SAXO3: variants seen among roughly 807,000 people sequenced by gnomAD.
SAXO3 encodes stabilizer of axonemal microtubules 3, also known as CTB-60B18.10.
the SAXO3 span, chr19:49,019,133 C>G: frequency 2.1e-6 from 3 of 1,428,106 alleles, no homozygotes; most frequent in African/African-American, 2.9e-5. Flanking sequence ...CACACCCCGC[C>G]CCAGGGTTAG....
the SAXO3 span, chr19:49,019,321 G>A: frequency 8.5e-7 from 1 of 1,176,238 alleles, no homozygotes; most frequent in Non-Finnish European, 1.1e-6. Context: ...TCTTGGTGTG[G>A]CCACTGGAGC....
chr19:49,018,767 G>T, the SAXO3 span: 1 of 999,858 alleles, frequency 1.0e-6, no homozygotes, highest in Non-Finnish European at 1.5e-6. Context: ...AGAAGTCGAG[G>T]CTGAGACCAC....
chr19:49,018,977 G>T, the SAXO3 span: 1 of 1,533,618 alleles, frequency 6.5e-7, no homozygotes, highest in Admixed American at 2.0e-5. Flanking sequence ...ACAGCTCGGG[G>T]TTCTTCGTCC....
chr19:49,019,495 G>T, the SAXO3 span: 2 of 1,164,572 alleles, frequency 1.7e-6, no homozygotes. Flanking sequence ...TTCTGGCCTG[G>T]CCTAATGCCC....
At chr19:49,018,185 G>A in the SAXO3 span, 10 of 430,222 alleles carry the variant, frequency 2.3e-5, no homozygotes, top group Admixed American at 4.4e-5. Context: ...CGAGGTCACC[G>A]GGCTGACGCG....
chr19:49,020,312 T>C, the SAXO3 span: 1 of 423,788 alleles, frequency 2.4e-6, no homozygotes, highest in East Asian at 3.5e-5. Flanking sequence ...CAATCCGCTT[T>C]ATTTAGCCCC....
the SAXO3 span, chr19:49,018,953 G>C: frequency 6.5e-7 from 1 of 1,534,360 alleles, no homozygotes; most frequent in South Asian, 1.2e-5. Context: ...CGGATACTGT[G>C]AAAGGCCGGC....
chr19:49,019,568 A>G, the SAXO3 span: 2 of 1,213,586 alleles, frequency 1.6e-6, no homozygotes, highest in East Asian at 3.2e-5. Flanking sequence ...CACGCCCCAA[A>G]GCCGTGATTC....
the SAXO3 span, chr19:49,018,772 G>T: frequency 9.6e-7 from 1 of 1,040,704 alleles, no homozygotes; most frequent in South Asian, 1.4e-5. Flanking sequence ...TCGAGGCTGA[G>T]ACCACCGGCT....
the SAXO3 span, chr19:49,019,134 C>G: frequency 7.0e-7 from 1 of 1,427,958 alleles, no homozygotes; most frequent in Non-Finnish European, 9.1e-7. Context: ...ACACCCCGCC[C>G]CAGGGTTAGA....
the SAXO3 span, chr19:49,019,590 G>A: frequency 4.0e-6 from 5 of 1,242,796 alleles, no homozygotes; most frequent in African/African-American, 7.9e-5. Context: ...TTCTGGCCCC[G>A]CCCCAGGCTC....
chr19:49,019,094 G>T, the SAXO3 span: 6 of 1,443,060 alleles, frequency 4.2e-6, no homozygotes, highest in Non-Finnish European at 5.5e-6. Context: ...CTCTCCTTCG[G>T]CCTCGACAGC....
chr19:49,018,107 C>A, the SAXO3 span: 5 of 399,342 alleles, frequency 1.3e-5, no homozygotes, highest in Non-Finnish European at 2.2e-5. Context: ...GTCGAGCCGC[C>A]GGAGCGGGTG....
the SAXO3 span, chr19:49,018,906 G>A: frequency 1.0e-4 from 154 of 1,534,340 alleles, no homozygotes; most frequent in Non-Finnish European, 1.3e-4. Flanking sequence ...CGCCGAGGTG[G>A]TCAGATAGAG....
At chr19:49,018,870 T>C in the SAXO3 span, 5 of 1,533,292 alleles carry the variant, frequency 3.3e-6, no homozygotes, top group Non-Finnish European at 4.4e-6. Context: ...GAGCCCGGCT[T>C]ACTTGGGATA....
At chr19:49,019,141 T>C in the SAXO3 span, 435 of 1,415,818 alleles carry the variant, frequency 3.1e-4, no homozygotes, top group African/African-American at 2.2e-3. Flanking sequence ...GCCCCAGGGT[T>C]AGAGCCCTTC....
chr19:49,019,015 G>A, the SAXO3 span: 61 of 1,529,110 alleles, frequency 4.0e-5, no homozygotes, highest in Middle Eastern at 2.3e-4. Context: ...GCAAGATTGG[G>A]GGAGGAGGCA....
At chr19:49,019,436 C>A in the SAXO3 span, 1 of 1,259,770 alleles carries the variant, frequency 7.9e-7, no homozygotes, top group Non-Finnish European at 1.0e-6. Context: ...CGCCGTCTAG[C>A]TCCGCAGCAG....
At chr19:49,017,974 C>T in the SAXO3 span, 3 of 398,452 alleles carry the variant, frequency 7.5e-6, no homozygotes, top group African/African-American at 6.2e-5. Context: ...CGGCTCACAC[C>T]AGCGCCGGCT....
Sources: gnomAD v4.1 joint callset for allele counts on GRCh38, gnomAD v4.1.1 for gene constraint, MANE v1.5 for transcripts, NCBI Gene and HGNC (gene_info 2026-07-23, HGNC 2026-07-21) for gene names.